ZNF804B: variants seen among roughly 807,000 people sequenced by gnomAD.
ZNF804B encodes the protein zinc finger protein 804B.
Under a neutral mutation model 101.4 loss-of-function variants are expected in ZNF804B, and 80 were observed. That is an observed-to-expected ratio of 0.79 (90% CI 0.66 to 0.95). The LOEUF (loss-of-function observed/expected upper bound fraction) is 0.95. Among genes scored for constraint, ZNF804B ranks in the 40% least tolerant of loss-of-function variants. ZNF804B has a pLI of 0.00. For synonymous variants in ZNF804B, 622 were observed against 558.8 expected (o/e 1.11, Z -1.59); for missense variants, 1,673 against 1,561.9 (o/e 1.07, Z -1.20).
intron 1 of ZNF804B, among the ~76,000 whole-genome samples, chr7:89,209,816 G>A (rs1019103161): frequency 3.3e-5 from 5 of 152,130 alleles, no homozygotes; most frequent in African/African-American, 4.8e-5. Flanking sequence ...TAAGTACCAT[G>A]TTAGATGTTG....
At chr7:89,087,769 T>A (rs567235693) in intron 1 of ZNF804B, among the ~76,000 whole-genome samples, 2 of 152,014 alleles carry the variant, frequency 1.3e-5, no homozygotes, top group East Asian at 3.9e-4. Flanking sequence ...TTTCTTTCTT[T>A]TCCCAAATCT....
At chr7:89,289,009 A>C (rs756022950) in intron 2 of ZNF804B, among the ~76,000 whole-genome samples, 35 of 152,228 alleles carry the variant, frequency 2.3e-4, no homozygotes, top group Admixed American at 6.5e-4. Context: ...AAATGCTAAC[A>C]TATGGTAGAC....
rs183163096 is a variant in ZNF804B, at chr7:89,092,994, T to C, written c.109-125161T>C. Among the ~76,000 whole-genome samples, 392 of 152,316 alleles carry C rather than the reference T, an allele frequency of 2.6e-3. 3 individuals are homozygous for C. Among genetic ancestry groups the C allele is most frequent in the Non-Finnish European group, 1.3e-3 (91 of 68,020 alleles). ...ATTTATGTATATACTAAATCATACATATACATATATTCATAAATCTGTATA... is the reference window on the plus strand; with the variant it reads ...ATTTATGTATATACTAAATCATACACATACATATATTCATAAATCTGTATA... On this transcript the variant is annotated intron_variant, in intron 1 of 3. Transcript: ENST00000333190.
intron 1 of ZNF804B, among the ~76,000 whole-genome samples, chr7:88,960,090 T>A (rs1793368988): frequency 6.6e-6 from 1 of 151,532 alleles, no homozygotes; most frequent in Non-Finnish European, 1.5e-5. Flanking sequence ...TCCCCTTTTT[T>A]AAATCAAATG....
intron 1 of ZNF804B, among the ~76,000 whole-genome samples, chr7:88,854,673 A>C (rs1470060369): frequency 1.4e-5 from 2 of 147,838 alleles, no homozygotes; most frequent in Admixed American, 1.4e-4. Context: ...TTACATGTGT[A>C]TACATGTGCC....
intron 1 of ZNF804B, among the ~76,000 whole-genome samples, chr7:88,775,992 G>T (rs770732652): frequency 6.6e-6 from 1 of 152,186 alleles, no homozygotes; most frequent in African/African-American, 2.4e-5. Context: ...GGTGCTTACA[G>T]GTATTGATTT....
chr7:89,021,722 C>G (rs918339491), intron 1 of ZNF804B, among the ~76,000 whole-genome samples: 4 of 152,068 alleles, frequency 2.6e-5, no homozygotes, highest in Non-Finnish European at 5.9e-5. Context: ...GCCAGAGTTG[C>G]GACAACACAG....
At chr7:89,239,959 A>G (rs908007567) in intron 2 of ZNF804B, among the ~76,000 whole-genome samples, 1 of 151,870 alleles carries the variant, frequency 6.6e-6, no homozygotes, top group Non-Finnish European at 1.5e-5. Flanking sequence ...TTCTTATGTC[A>G]TTAATGGTAT....
At chr7:88,978,428 A>C (rs1231058025) in intron 1 of ZNF804B, among the ~76,000 whole-genome samples, 1 of 151,814 alleles carries the variant, frequency 6.6e-6, no homozygotes, top group African/African-American at 2.4e-5. Flanking sequence ...TACATTTGCA[A>C]TTGTTATATC....
intron 1 of ZNF804B, among the ~76,000 whole-genome samples, chr7:88,933,260 A>G (rs1033885101): frequency 2.6e-5 from 4 of 151,970 alleles, no homozygotes; most frequent in Non-Finnish European, 5.9e-5. Flanking sequence ...TTATAATAAA[A>G]AACCTCAACC....
At chr7:89,016,744 T>A (rs1478716701) in intron 1 of ZNF804B, among the ~76,000 whole-genome samples, 14 of 152,146 alleles carry the variant, frequency 9.2e-5, no homozygotes, top group Admixed American at 9.2e-4. Context: ...ACTGTAGCCT[T>A]GTAGTATAGT....
chr7:88,797,609 A>G (rs973684108), intron 1 of ZNF804B, among the ~76,000 whole-genome samples: 8 of 152,118 alleles, frequency 5.3e-5, no homozygotes. Flanking sequence ...AGTCAGTAGG[A>G]GAATTTATGA....
At chr7:89,249,037 A>T (rs1562927855) in intron 2 of ZNF804B, among the ~76,000 whole-genome samples, 2 of 151,858 alleles carry the variant, frequency 1.3e-5, no homozygotes, top group Non-Finnish European at 2.9e-5. Flanking sequence ...AGTAAAAAAA[A>T]AAAAAAAAGG....
intron 1 of ZNF804B, among the ~76,000 whole-genome samples, chr7:89,186,200 T>C (rs541169582): frequency 6.6e-6 from 1 of 152,208 alleles, no homozygotes; most frequent in Non-Finnish European, 1.5e-5. Flanking sequence ...AAAAAGAAAG[T>C]ATTTATAAAA....
intron 1 of ZNF804B, among the ~76,000 whole-genome samples, chr7:89,133,905 T>C (rs1790590878): frequency 6.6e-6 from 1 of 152,078 alleles, no homozygotes. Flanking sequence ...ATCTCATTAC[T>C]ATTTTGAGTA....
At chr7:89,126,167 T>G (rs1790471802) in intron 1 of ZNF804B, among the ~76,000 whole-genome samples, 1 of 152,036 alleles carries the variant, frequency 6.6e-6, no homozygotes, top group Non-Finnish European at 1.5e-5. Flanking sequence ...TTGGAGGGAA[T>G]TGAGTAACTT....
chr7:89,231,933 T>G (rs1789198267), intron 2 of ZNF804B, among the ~76,000 whole-genome samples: 1 of 152,118 alleles, frequency 6.6e-6, no homozygotes, highest in South Asian at 2.1e-4. Flanking sequence ...CTTATGTTCT[T>G]TCTTGCACAG....
At chr7:89,011,638 T>C (rs557992950) in intron 1 of ZNF804B, among the ~76,000 whole-genome samples, 175 of 152,202 alleles carry the variant, frequency 1.1e-3, no homozygotes, top group African/African-American at 4.1e-3. Context: ...AATAGGGCAG[T>C]CAGTAAACCT....
intron 2 of ZNF804B, among the ~76,000 whole-genome samples, chr7:89,285,018 G>T (rs1334751738): frequency 6.6e-6 from 1 of 151,826 alleles, no homozygotes; most frequent in Non-Finnish European, 1.5e-5. Context: ...GAGTAATGTA[G>T]TGAGACCCTG....
Sources: allele counts gnomAD v4.1 joint callset (sites outside exome capture counted in the v4.1 genomes callset), GRCh38; gene constraint gnomAD v4.1.1; transcripts MANE v1.5; gene names NCBI Gene and HGNC (gene_info 2026-07-23, HGNC 2026-07-21).